MAPKBP1: variants seen among roughly 807,000 people sequenced by gnomAD.
MAPKBP1 encodes the protein mitogen-activated protein kinase binding protein 1.
Under a neutral mutation model 170.5 loss-of-function variants are expected in MAPKBP1, and 71 were observed. That is an observed-to-expected ratio of 0.42 (90% CI 0.34 to 0.51). The LOEUF (loss-of-function observed/expected upper bound fraction) is 0.51, where lower values mean the gene tolerates loss of function less well. Among genes scored for constraint, MAPKBP1 ranks in the 20% least tolerant of loss-of-function variants. The pLI is 0.06. For synonymous variants in MAPKBP1, 719 were observed against 757.9 expected (o/e 0.95, Z 0.84); for missense variants, 1,598 against 1,933.0 (o/e 0.83, Z 3.25).
In MAPKBP1 at chr15:41,823,591, C is replaced by T. The variant is rs1464867527; in HGVS notation, c.3743C>T (p.Ser1248Phe). The change falls in exon 29 of 31, where the codon TCC (serine) becomes TTC (phenylalanine). Residue 1248 changes from serine (S) to phenylalanine (F), a missense_variant. Ser to Phe is a radical substitution (Grantham distance 155, BLOSUM62 -2). Around this residue, in one of 6 missense-constraint regions of MAPKBP1, gnomAD observed 942 missense variants for 953.2 expected, o/e 0.99. Transcript: ENST00000457542. ...PHSYQNPTTS[S>F]MAKISRSISV... Reference sequence around the variant, plus strand: ...TCCTATCAGAACCCCACCACCAGTTCCATGGCCAAGATATCCCGCAGTATC... The same window carrying T: ...TCCTATCAGAACCCCACCACCAGTTTCATGGCCAAGATATCCCGCAGTATC... 1 of 1,614,190 alleles carries T rather than the reference C, an allele frequency of 6.2e-7. No homozygotes were observed. The highest frequency in any genetic ancestry group is 2.2e-5 in the East Asian group (1 of 44,876).
At position 41,817,112 on chromosome 15, in the gene MAPKBP1, G is replaced by T. The variant is rs1254258283; in HGVS notation, c.1711+77G>T. The T allele has an allele frequency of 6.5e-7, 1 of 1,528,038 alleles. No homozygotes were observed. The highest frequency in any genetic ancestry group is 2.3e-5 in the East Asian group (1 of 44,082). The allele number at this position is 1,528,038 out of a possible 1,614,324, so 94.7% of individuals were successfully genotyped here. ...TCTGCCTCCCACCTCCATGAGAAGGGTCTGCCCATTGTGGGGGAGTGTTGG... is the reference window on the plus strand; with the variant it reads ...TCTGCCTCCCACCTCCATGAGAAGGTTCTGCCCATTGTGGGGGAGTGTTGG... On this transcript the variant is annotated intron_variant, in intron 14 of 30. Transcript: ENST00000457542. This position sits in a 1 kb window ranked among gnomAD's most constrained non-coding sequence, Gnocchi z 4.2.
At position 41,827,125 on chromosome 15, in the gene MAPKBP1, G is replaced by GTT. The variant is rs1555456131; in HGVS notation, c.*1690_*1691insTT. On this transcript the variant is annotated 3_prime_UTR_variant, in exon 31 of 31. Coordinates refer to ENST00000457542, the MANE Select transcript of MAPKBP1 (RefSeq NM_014994.3). ...AGCCTGGCCAACATGGTGAAACCCT[G>GTT]TCTACTAAAAATAAAAAAATTAGCT... The GTT allele has an allele frequency of 6.6e-6, 1 of 151,522 alleles. No homozygotes were observed. Among genetic ancestry groups the GTT allele is most frequent in the Non-Finnish European group, 1.5e-5 (1 of 67,908 alleles). 9.4% of individuals were successfully genotyped at this position (151,522 alleles called of 1,614,324 possible).
intron 7 of MAPKBP1, 73 bp downstream of exon 7, chr15:41,812,726 G>T: frequency 1.3e-6 from 2 of 1,517,198 alleles, no homozygotes; most frequent in Non-Finnish European, 1.8e-6. Flanking sequence ...AGGAGACTCT[G>T]CCCCACTTGG....
intron 2 of MAPKBP1, among the ~76,000 whole-genome samples, chr15:41,788,013 A>G (rs897374031): frequency 1.3e-5 from 2 of 152,122 alleles, no homozygotes; most frequent in Non-Finnish European, 2.9e-5. Context: ...GCTGGAGTGC[A>G]GTGGCACTAT....
chr15:41,819,794 G>A (rs139463604), intron 22 of MAPKBP1, 144 bp downstream of exon 22: 20 of 861,392 alleles, frequency 2.3e-5, no homozygotes, highest in Middle Eastern at 2.9e-4. Context: ...AGGCCTTGTC[G>A]GGGAAGTTGA....
At chr15:41,792,703 G>A (rs2064415177) in intron 2 of MAPKBP1, among the ~76,000 whole-genome samples, 1 of 152,196 alleles carries the variant, frequency 6.6e-6, no homozygotes, top group Non-Finnish European at 1.5e-5. Flanking sequence ...GTGTCTCCTG[G>A]GCTGTATTTC....
At position 41,823,683 on chromosome 15, in the gene MAPKBP1, C is replaced by T. The variant is rs1243523850; in HGVS notation, c.3835C>T (p.Leu1279Phe). The stretch of plus-strand genomic sequence containing the variant: ...TCATGCCCCCATCCGAGTCTCACCA[C>T]TCAGCAAGCTGGCCCTGCCCAGCCG... ...QAHAPIRVSPLSKLALPSRAH... is the reference protein window; with the variant it reads ...QAHAPIRVSPFSKLALPSRAH... Residue 1279 changes from leucine to phenylalanine, a missense_variant, in exon 29 of 31, where the codon CTC becomes TTC. Physicochemically the swap from Leu to Phe is conservative, Grantham distance 22. Around this residue, in one of 6 missense-constraint regions of MAPKBP1, gnomAD observed 942 missense variants for 953.2 expected, o/e 0.99. Coordinates refer to ENST00000457542, the MANE Select transcript of MAPKBP1 (RefSeq NM_014994.3). 6.2e-7 allele frequency: 1 copy of T among 1,614,096 alleles called. No individual in the cohort carries two copies. Among genetic ancestry groups the T allele is most frequent in the African/African-American group, 1.3e-5 (1 of 74,918 alleles).
intron 30 of MAPKBP1, 166 bp from the exon 31 acceptor site, chr15:41,825,043 C>T (rs2065066810): frequency 3.4e-6 from 2 of 596,292 alleles, no homozygotes; most frequent in South Asian, 4.4e-5. Context: ...GGGCGTCACC[C>T]CCAGAGTCTG....
At chr15:41,803,302 T>G (rs2064630516) in intron 3 of MAPKBP1, among the ~76,000 whole-genome samples, 1 of 150,846 alleles carries the variant, frequency 6.6e-6, no homozygotes, top group Non-Finnish European at 1.5e-5. Flanking sequence ...TAGTCCCAGT[T>G]ACTCGGGAGG....
At chr15:41,819,709 G>A in intron 22 of MAPKBP1, 59 bp downstream of exon 22, 2 of 1,535,192 alleles carry the variant, frequency 1.3e-6, no homozygotes, top group South Asian at 1.2e-5. Context: ...GGAGCTGTGA[G>A]AACAGGGCTC....
intron 2 of MAPKBP1, among the ~76,000 whole-genome samples, chr15:41,782,676 C>G (rs1197511012): frequency 6.6e-6 from 1 of 152,110 alleles, no homozygotes. Flanking sequence ...CTGCATTCCT[C>G]CCAGGGAGCC....
rs2065007771 is a variant in MAPKBP1 at position 41,822,101 on chromosome 15, C to G, written c.3022C>G (p.Pro1008Ala). ...CAGCTGCCTTTCCAGCCCGGAGCAC[C>G]CCACTGAAGGTGAGGCTGTAGCCTG... ...SSSCLSSPEH[P>A]TEDSESTEPL... The change falls in exon 25 of 31, where the codon CCC becomes GCC. Residue 1008 changes from proline (P) to alanine (A), a missense_variant. Pro to Ala is a conservative substitution (Grantham distance 27). This residue lies in a region of MAPKBP1 where 942 missense variants were observed against 953.2 expected (regional missense o/e 0.99). Coordinates refer to ENST00000457542, the MANE Select transcript of MAPKBP1 (RefSeq NM_014994.3). 1.2e-6 allele frequency: 2 copies of G among 1,606,038 alleles called. No homozygotes were observed. Among genetic ancestry groups the G allele is most frequent in the African/African-American group, 1.3e-5 (1 of 74,718 alleles).
In MAPKBP1 at chr15:41,774,527, T is replaced by A. The variant is rs544116785; in HGVS notation, c.-193T>A. 2 of 398,602 alleles carry A rather than the reference T, an allele frequency of 5.0e-6. No individual in the cohort carries two copies. Among genetic ancestry groups the A allele is most frequent in the South Asian group, 2.5e-4 (2 of 7,866 alleles). 24.7% of individuals were successfully genotyped at this position (398,602 alleles called of 1,614,324 possible). ...TAGCTCCTGCTGCTGCCTCTACCGCTGCGGCTACCGCGGCGGAGCTGAAAT... is the reference window on the plus strand; with the variant it reads ...TAGCTCCTGCTGCTGCCTCTACCGCAGCGGCTACCGCGGCGGAGCTGAAAT... On this transcript the variant is annotated 5_prime_UTR_variant, in exon 1 of 31. Transcript: ENST00000457542.
In MAPKBP1 at chr15:41,822,670, C is replaced by A; in HGVS notation, c.3307C>A (p.Pro1103Thr). 6.2e-7 allele frequency: 1 copy of A among 1,614,048 alleles called. No individual in the cohort carries two copies. Among genetic ancestry groups the A allele is most frequent in the Non-Finnish European group, 8.5e-7 (1 of 1,179,970 alleles). ...SRFLLQVQTR[P>T]LREPSPSSSS... ...ATTCCTGTTGCAAGTACAGACCCGC[C>A]CACTCAGGTACAGAGGCCCCCTACC... Residue 1103 changes from proline to threonine, a missense_variant, in exon 27 of 31, where the codon CCA (proline) becomes ACA (threonine). Pro to Thr is a conservative substitution (Grantham distance 38, BLOSUM62 -1). Transcript: ENST00000457542.
chr15:41,783,655 G>A (rs2064228205), intron 2 of MAPKBP1, among the ~76,000 whole-genome samples: 1 of 152,212 alleles, frequency 6.6e-6, no homozygotes, highest in Non-Finnish European at 1.5e-5. Context: ...GGAGCCCCAA[G>A]CCAGATGGAT....
intron 3 of MAPKBP1, among the ~76,000 whole-genome samples, chr15:41,805,273 C>T (rs535371250): frequency 5.6e-4 from 85 of 152,328 alleles, no homozygotes; most frequent in African/African-American, 1.8e-3. Flanking sequence ...TGTTTCCCCA[C>T]GGGAAGCCCC....
In MAPKBP1 at chr15:41,814,688, G is replaced by A. The variant is rs777541730; in HGVS notation, c.1119G>A (p.Val373=). The A allele has an allele frequency of 6.2e-7, 1 of 1,614,236 alleles. No individual in the cohort carries two copies. Among genetic ancestry groups the A allele is most frequent in the Non-Finnish European group, 8.5e-7 (1 of 1,180,046 alleles). ...GGGATGTGAGGGACCCCAAGAAAGT[G>A]GGCAAGGTGTACTCGGCTCTGTATC... ...YVWDVRDPKK[V]GKVYSALYHS... Residue 373 remains valine, a synonymous_variant, in exon 10 of 31, where the codon GTG becomes GTA. Coordinates refer to ENST00000457542, the MANE Select transcript of MAPKBP1 (RefSeq NM_014994.3).
chr15:41,786,777 A>AATATAT lies in MAPKBP1; in HGVS notation c.114+11410_114+11415dup, dbSNP rs1180590172. On this transcript the variant is annotated intron_variant, in intron 2 of 30. Transcript: ENST00000457542. ...CAGACTCCGTCTAAAAAAAAAAAAA[A>AATATAT]ATATATATATATATATATATATATA... Among the ~76,000 whole-genome samples the AATATAT allele has an allele frequency of 4.0e-3, 130 of 32,370 alleles. 4 individuals carry two copies. The highest frequency in any genetic ancestry group is 0.013 in the East Asian group (17 of 1,262). The allele number at this position is 32,370 out of a possible 152,430, so 21.2% of individuals were successfully genotyped here.
chr15:41,787,305 T>A (rs1233654267), intron 2 of MAPKBP1, among the ~76,000 whole-genome samples: 1 of 152,102 alleles, frequency 6.6e-6, no homozygotes, highest in Non-Finnish European at 1.5e-5. Context: ...AACACTGTTC[T>A]GATTATCAAG....
Sources: gnomAD v4.1 joint callset for allele counts (sites outside exome capture counted in the v4.1 genomes callset) on GRCh38, gnomAD v4.1.1 for gene constraint, gnomAD v4.1.1 regional missense constraint, Gnocchi (gnomAD v3.1) non-coding constraint, MANE v1.5 for transcripts, NCBI Gene and HGNC (gene_info 2026-07-23, HGNC 2026-07-21) for gene names.